The following SLC2A13 variants were observed in gnomAD, a reference collection of about 807,000 sequenced individuals.
SLC2A13 encodes proton myo-inositol cotransporter.
In SLC2A13, 32 loss-of-function variants were observed where a neutral mutation model predicts 64.4. The ratio of observed to expected loss-of-function variants is 0.50; its 90% CI spans 0.37 to 0.67. The LOEUF (loss-of-function observed/expected upper bound fraction) is 0.67. Ranked by LOEUF, SLC2A13 falls within the 30% of genes least tolerant of loss-of-function variation. The pLI, the probability that SLC2A13 is intolerant of heterozygous loss-of-function variation, is 0.00. For synonymous variants in SLC2A13, 338 were observed against 327.1 expected (o/e 1.03, Z -0.36); for missense variants, 743 against 829.2 (o/e 0.90, Z 1.28).
intron 4 of SLC2A13, among the ~76,000 whole-genome samples, chr12:39,895,067 C>A (rs756520599): frequency 6.6e-6 from 1 of 151,962 alleles, no homozygotes; most frequent in Non-Finnish European, 1.5e-5. Context: ...TGGGGTCTCA[C>A]TATGTTGTCC....
chr12:40,026,006 T>C (rs185909070), intron 3 of SLC2A13, among the ~76,000 whole-genome samples: 9 of 152,336 alleles, frequency 5.9e-5, no homozygotes, highest in Admixed American at 5.9e-4. Context: ...CAATTCACAG[T>C]TCTGCAGACC....
intron 7 of SLC2A13, among the ~76,000 whole-genome samples, chr12:39,801,339 TAA>T (rs34671641): frequency 0.022 from 2,787 of 126,708 alleles, 71 homozygotes; most frequent in African/African-American, 0.077. Flanking sequence ...ATGAGGAAAT[TAA>T]AAAAAAAAAA....
intron 4 of SLC2A13, among the ~76,000 whole-genome samples, chr12:39,878,216 A>G (rs1437020366): frequency 4.6e-5 from 7 of 152,208 alleles, no homozygotes; most frequent in African/African-American, 1.7e-4. Context: ...CCTAATACAG[A>G]AAGTTGATAC....
chr12:39,760,344 T>A, intron 9 of SLC2A13, 92 bp from the exon 10 acceptor site: 1 of 1,176,134 alleles, frequency 8.5e-7, no homozygotes. Context: ...TTTTTTCTGG[T>A]CAGTCATGCA....
chr12:40,044,898 T>C (rs1021018001), intron 2 of SLC2A13, among the ~76,000 whole-genome samples: 4 of 152,122 alleles, frequency 2.6e-5, no homozygotes, highest in African/African-American at 7.2e-5. Flanking sequence ...AGCAGAACCA[T>C]GAGGAAGAAA....
intron 4 of SLC2A13, among the ~76,000 whole-genome samples, chr12:39,900,420 A>C (rs12227526): frequency 0.19 from 29,127 of 151,962 alleles, 2,866 homozygotes; most frequent in Non-Finnish European, 0.23. Flanking sequence ...AGATGACATG[A>C]TCGTATATCT....
chr12:39,779,053 TC>T (rs1940880503), intron 7 of SLC2A13, among the ~76,000 whole-genome samples: 1 of 152,044 alleles, frequency 6.6e-6, no homozygotes, highest in African/African-American at 2.4e-5. Context: ...TGAGACACTT[TC>T]CCCCAGGAAG....
At chr12:40,031,411 CAG>C (rs1414545492) in intron 2 of SLC2A13, among the ~76,000 whole-genome samples, 1 of 152,126 alleles carries the variant, frequency 6.6e-6, no homozygotes, top group Admixed American at 6.5e-5. Flanking sequence ...TTAGTAGAAA[CAG>C]GGTTTCAAAA....
intron 7 of SLC2A13, among the ~76,000 whole-genome samples, chr12:39,776,227 A>G (rs897893539): frequency 3.3e-5 from 5 of 151,272 alleles, no homozygotes; most frequent in African/African-American, 1.2e-4. Context: ...GTTCCTTCAT[A>G]TTGACCAAAG....
At chr12:39,807,112 G>T (rs375409407) in intron 7 of SLC2A13, among the ~76,000 whole-genome samples, 1 of 148,682 alleles carries the variant, frequency 6.7e-6, no homozygotes, top group Non-Finnish European at 1.5e-5. Context: ...TGGTGGAAAA[G>T]TAATTACAGT....
Position 39,831,665 on chromosome 12 carries a change from A to G in SLC2A13, c.1320-1437T>C, listed in dbSNP as rs1281043115. On this transcript the variant is annotated intron_variant, in intron 6 of 9. Transcript: ENST00000280871. ...GTGGGAGGTATTGAATCATGGGGGA[A>G]AGATCCCTCATGAATGGTTTAGTGC... Among the ~76,000 whole-genome samples, 4 of 152,004 alleles carry G rather than the reference A, an allele frequency of 2.6e-5. No individual in the cohort carries two copies. In the East Asian group the frequency reaches 7.7e-4, roughly 29 times the overall value.
intron 1 of SLC2A13, among the ~76,000 whole-genome samples, chr12:40,087,212 A>G (rs1938614306): frequency 6.6e-6 from 1 of 152,206 alleles, no homozygotes; most frequent in Non-Finnish European, 1.5e-5. Flanking sequence ...GTAATCACCT[A>G]TTTGGCTTTC....
chr12:40,078,097 A>G (rs1027370481), intron 1 of SLC2A13, among the ~76,000 whole-genome samples: 9 of 152,164 alleles, frequency 5.9e-5, no homozygotes, highest in Non-Finnish European at 5.9e-5. Context: ...TCATCTGTAG[A>G]TAGATATGGT....
intron 4 of SLC2A13, among the ~76,000 whole-genome samples, chr12:39,890,412 C>A (rs1944574907): frequency 6.6e-6 from 1 of 152,050 alleles, no homozygotes; most frequent in Non-Finnish European, 1.5e-5. Context: ...CTTTACCTGG[C>A]AAAGGGAAAG....
intron 2 of SLC2A13, among the ~76,000 whole-genome samples, chr12:40,041,439 A>G (rs1948088291): frequency 6.6e-6 from 1 of 152,140 alleles, no homozygotes; most frequent in South Asian, 2.1e-4. Context: ...CTTTTATTCA[A>G]AAAGCTCAAA....
intron 6 of SLC2A13, among the ~76,000 whole-genome samples, chr12:39,846,130 G>C (rs770605431): frequency 1.3e-5 from 2 of 152,076 alleles, no homozygotes; most frequent in Non-Finnish European, 2.9e-5. Context: ...ATTCATCTTA[G>C]AATATTCAAC....
chr12:40,105,528 A>G lies in SLC2A13; in HGVS notation c.281T>C (p.Leu94Pro). ...CACCACCCCGGTGTCATAGCCAAAC[A>G]GGAAGCCGCCCAGCGCGGAGAAGAC... is the stretch of plus-strand genomic sequence containing the variant. ...VAVFSALGGF[L>P]FGYDTGVVSG... is the part of the protein sequence containing the mutation. The change falls in exon 1 of 10, where the codon CTG becomes CCG. Residue 94 changes from leucine (L) to proline (P), a missense_variant. This residue lies in a region of SLC2A13 where 448 missense variants were observed against 447.4 expected (regional missense o/e 1.00). Transcript: ENST00000280871. The surrounding 1 kb of genome is among the most constrained non-coding windows in gnomAD (Gnocchi z 4.2). The G allele has an allele frequency of 6.3e-7, 1 of 1,583,256 alleles. No individual in the cohort carries two copies. The highest frequency in any genetic ancestry group is 2.4e-5 in the East Asian group (1 of 42,394).
chr12:39,844,117 A>T (rs1164075348), intron 6 of SLC2A13, among the ~76,000 whole-genome samples: 3 of 152,050 alleles, frequency 2.0e-5, no homozygotes, highest in Admixed American at 2.0e-4. Flanking sequence ...ATTTGTATAA[A>T]CATTGATGTG....
chr12:39,869,720 T>C (rs1374207451), intron 5 of SLC2A13, among the ~76,000 whole-genome samples: 1 of 152,150 alleles, frequency 6.6e-6, no homozygotes, highest in Admixed American at 6.5e-5. Context: ...AGACCTACAC[T>C]GAGAGGGAAA....
Sources: allele counts gnomAD v4.1 joint callset (sites outside exome capture counted in the v4.1 genomes callset), GRCh38; gene constraint gnomAD v4.1.1; regional missense constraint gnomAD v4.1.1; non-coding constraint Gnocchi (gnomAD v3.1); transcripts MANE v1.5; gene names NCBI Gene and HGNC (gene_info 2026-07-23, HGNC 2026-07-21).